Variants in SLC3A2 observed in about 807,000 individuals in gnomAD.
The protein encoded by SLC3A2 is solute carrier family 3 member 2, also known as amino acid transporter heavy chain SLC3A2.
In SLC3A2, 32 loss-of-function variants were observed where a neutral mutation model predicts 48.5. That is an observed-to-expected ratio of 0.66 (90% CI 0.50 to 0.89). SLC3A2 has a LOEUF of 0.89. SLC3A2 is among the 40% of genes least tolerant of loss of function. The probability of loss-of-function intolerance (pLI) is 0.00; values close to 1 mark genes in which losing one functional copy is unlikely to be tolerated. For synonymous variants in SLC3A2, 277 were observed against 288.8 expected, an observed-to-expected ratio of 0.96 and a Z score of 0.41; for missense variants, 587 against 680.7, an observed-to-expected ratio of 0.86 and a Z score of 1.53.
At chr11:62,880,715 T>C, upstream of SLC3A2, 1 of 324,580 alleles carries the variant, frequency 3.1e-6, no homozygotes, top group South Asian at 6.1e-5. Context: ...AAAAGAACTT[T>C]AGGGTTAGAC....
rs1484159714 is a variant in SLC3A2, at chr11:62,881,599, A to G, written c.424+152A>G. 8 of 1,065,898 alleles carry G rather than the reference A, an allele frequency of 7.5e-6. 1 individual carries two copies. In the South Asian group the frequency reaches 1.0e-4, roughly 14 times the overall value. The allele number at this position is 1,065,898 out of a possible 1,614,324, so 66.0% of individuals were successfully genotyped here. ...CCTTCCCCCACCCCCTCCCCGGCACATTGTCCTTCCCTCCTTTCTTTGAAG... is the reference window on the plus strand; with the variant it reads ...CCTTCCCCCACCCCCTCCCCGGCACGTTGTCCTTCCCTCCTTTCTTTGAAG... On this transcript the variant is annotated intron_variant, in intron 1 of 8. Transcript: ENST00000338663. This position sits in a 1 kb window ranked among gnomAD's most constrained non-coding sequence, Gnocchi z 4.0.
chr11:62,877,989 T>A (rs2085586831), upstream of SLC3A2, among the ~76,000 whole-genome samples: 1 of 152,014 alleles, frequency 6.6e-6, no homozygotes, highest in South Asian at 2.1e-4. Flanking sequence ...AAACCCTGTC[T>A]CTCCTAAAAA....
chr11:62,882,022 C>G lies in SLC3A2; in HGVS notation c.554C>G (p.Ser185Cys), dbSNP rs546675254. 7.2e-5 allele frequency: 117 copies of G among 1,614,150 alleles called. 4 individuals are homozygous for G. The South Asian group carries it at 1.3e-3, about 17-fold the overall frequency. ...CTGCAGATCGACCCCAATTTTGGCT[C>G]CAAGGAAGATTTTGACAGTCTCTTG... ...DLLQIDPNFG[S>C]KEDFDSLLQS... The change falls in exon 2 of 9, where the codon TCC (serine) becomes TGC (cysteine). Residue 185 changes from serine (S) to cysteine (C), a missense_variant. Ser to Cys is a moderately radical substitution (Grantham distance 112). Transcript: ENST00000338663.
Position 62,864,770 on chromosome 11 carries a change from A to AT in SLC3A2, c.112+8400dup, listed in dbSNP as rs553131030. 1.5e-3 allele frequency among the ~76,000 whole-genome samples: 166 copies of AT among 113,610 alleles called. 2 individuals carry two copies. In the South Asian group the frequency reaches 0.018, roughly 12 times the overall value. 74.5% of individuals were successfully genotyped at this position (113,610 alleles called of 152,430 possible). Reference sequence around the variant, plus strand: ...TGTGAGCCACCACGCCCGGCCGCTAATTTTTTTTTTTGTTTTGAGACAGAG... The same window carrying AT: ...TGTGAGCCACCACGCCCGGCCGCTAATTTTTTTTTTTTGTTTTGAGACAGAG... On this transcript the variant is annotated intron_variant, in intron 1 of 9. Transcript: ENST00000377889.
intron 1 of SLC3A2, among the ~76,000 whole-genome samples, chr11:62,865,131 G>C (rs1362674403): frequency 1.3e-5 from 2 of 152,144 alleles, no homozygotes; most frequent in Admixed American, 1.3e-4. Flanking sequence ...CCTTTACCCA[G>C]TGTACCGTTA....
chr11:62,860,342 A>C (rs992347883), intron 1 of SLC3A2, among the ~76,000 whole-genome samples: 1 of 152,042 alleles, frequency 6.6e-6, no homozygotes, highest in Non-Finnish European at 1.5e-5. Flanking sequence ...TCTACTAAAA[A>C]TACAAAAAAA....
Position 62,885,231 on chromosome 11 carries a change from C to T in SLC3A2, c.873C>T (p.Leu291=), listed in dbSNP as rs757995334. ...SSDLQQILSL[L]ESNKDLLLTS... is the part of the protein sequence containing the mutation. ...ACCTTCAGCAGATCCTGAGCCTACT[C>T]GAATCCAACAAAGACTTGCTGTTGA... Residue 291 remains leucine (L), a synonymous_variant, in exon 6 of 9, where the codon CTC becomes CTT. Transcript: ENST00000338663. 2.2e-5 allele frequency: 36 copies of T among 1,614,034 alleles called. No homozygotes were observed. The highest frequency in any genetic ancestry group is 1.7e-4 in the Admixed American group (10 of 59,994).
intron 3 of SLC3A2, chr11:62,884,118 C>T (rs1490172947): frequency 4.0e-6 from 2 of 495,858 alleles, no homozygotes; most frequent in Non-Finnish European, 7.8e-6. Flanking sequence ...AATAGGTATG[C>T]TAACATTCCA....
Position 62,881,842 on chromosome 11 carries a change from G to A in SLC3A2, c.425-51G>A. 2 of 1,596,396 alleles carry A rather than the reference G, an allele frequency of 1.3e-6. No homozygotes were observed. The highest frequency in any genetic ancestry group is 1.7e-6 in the Non-Finnish European group (2 of 1,167,818). ...CGCTGGGAGAAGGGAGGGTGGGGAG[G>A]TCAGGGGCCTCTCAGAGGGGCCTCA... On this transcript the variant is annotated intron_variant, in intron 1 of 8. Coordinates refer to ENST00000338663, the MANE Select transcript of SLC3A2 (RefSeq NM_001013251.3). This position sits in a 1 kb window ranked among gnomAD's most constrained non-coding sequence, Gnocchi z 4.0.
chr11:62,876,184 A>C (rs2085569562), upstream of SLC3A2, among the ~76,000 whole-genome samples: 1 of 152,196 alleles, frequency 6.6e-6, no homozygotes, highest in Non-Finnish European at 1.5e-5. Flanking sequence ...TACATGTTTG[A>C]GGAAAAATAA....
chr11:62,856,827 CTTTT>C (rs11337244), intron 1 of SLC3A2, among the ~76,000 whole-genome samples: 11 of 126,034 alleles, frequency 8.7e-5, no homozygotes, highest in South Asian at 7.4e-4. Flanking sequence ...TTTTTTCTTT[CTTTT>C]TTTTTTTTTT....
chr11:62,882,619 G>A (rs942489647), intron 2 of SLC3A2: 3 of 366,296 alleles, frequency 8.2e-6, no homozygotes, highest in Non-Finnish European at 1.6e-5. Flanking sequence ...TGAGTAGCTG[G>A]TACTACAGCC....
At chr11:62,863,428 C>T (rs576033609) in intron 1 of SLC3A2, among the ~76,000 whole-genome samples, 1 of 152,248 alleles carries the variant, frequency 6.6e-6, no homozygotes, top group African/African-American at 2.4e-5. Context: ...CACTATGGTG[C>T]CTAGGCGGGT....
chr11:62,862,055 A>G (rs1307418671), intron 1 of SLC3A2, among the ~76,000 whole-genome samples: 2 of 150,380 alleles, frequency 1.3e-5, no homozygotes, highest in Non-Finnish European at 3.0e-5. Flanking sequence ...GCGGTGGCTT[A>G]CCTGTAATCC....
chr11:62,881,191 C>T lies in SLC3A2; in HGVS notation c.168C>T (p.Ala56=), dbSNP rs1374893358. ...CGGAAGACGAGGCGGAGGCGGCAGC[C>T]GCGGCTAAGTTCACGGGCCTGTCCA... The part of the protein sequence containing the change: ...KVAEDEAEAA[A]AAKFTGLSKE... Residue 56 remains alanine, a synonymous_variant, in exon 1 of 9, where the codon GCC becomes GCT. Transcript: ENST00000338663. The surrounding 1 kb of genome is among the most constrained non-coding windows in gnomAD (Gnocchi z 4.0). 1.3e-5 allele frequency: 20 copies of T among 1,593,412 alleles called. No individual in the cohort carries two copies. Among genetic ancestry groups the T allele is most frequent in the Non-Finnish European group, 1.7e-5 (20 of 1,172,036 alleles).
intron 7 of SLC3A2, among the ~76,000 whole-genome samples, chr11:62,886,025 C>T (rs979319826): frequency 1.3e-5 from 2 of 152,162 alleles, no homozygotes; most frequent in Non-Finnish European, 2.9e-5. Context: ...CACGGTGGCT[C>T]ATGCCTGTAA....
Position 62,885,356 on chromosome 11 carries a change from G to C in SLC3A2, c.998G>C (p.Ser333Thr), listed in dbSNP as rs2085696849. ...NATGNRWCSWSLSQARLLTSF... is the reference protein window; with the variant it reads ...NATGNRWCSWTLSQARLLTSF... ...ACTGGCAATCGCTGGTGCAGCTGGAGTGTGAGTACCATGCTGGTGGGAAAG... is the reference window on the plus strand; with the variant it reads ...ACTGGCAATCGCTGGTGCAGCTGGACTGTGAGTACCATGCTGGTGGGAAAG... The change falls in exon 6 of 9, where the codon AGT becomes ACT. Residue 333 changes from serine (S) to threonine (T), a missense_variant and splice_region_variant. By Grantham distance (58) the Ser-to-Thr change is moderately conservative. Around this residue, in one of 3 missense-constraint regions of SLC3A2, gnomAD observed 409 missense variants for 446.7 expected, o/e 0.92. Coordinates refer to ENST00000338663, the MANE Select transcript of SLC3A2 (RefSeq NM_001013251.3). 1.2e-6 allele frequency: 2 copies of C among 1,614,114 alleles called. No homozygotes were observed. The highest frequency in any genetic ancestry group is 1.3e-5 in the African/African-American group (1 of 74,942).
chr11:62,888,575 A>G lies in SLC3A2; in HGVS notation c.1472A>G (p.Lys491Arg), dbSNP rs1377336424. The G allele has an allele frequency of 1.9e-6, 3 of 1,613,778 alleles. No individual in the cohort carries two copies. The highest frequency in any genetic ancestry group is 2.5e-6 in the Non-Finnish European group (3 of 1,180,034). Reference protein sequence around the residue: ...DLPASASLPAKADLLLSTQPG... With the variant: ...DLPASASLPARADLLLSTQPG... ...CCTGCCAGCGCCAGCCTGCCAGCCA[A>G]GGCTGACCTCCTGCTCAGCACCCAG... The change falls in exon 9 of 9, where the codon AAG (lysine) becomes AGG (arginine). Residue 491 changes from lysine to arginine, a missense_variant. Transcript: ENST00000338663.
intron 1 of SLC3A2, among the ~76,000 whole-genome samples, chr11:62,859,648 A>T (rs1263923919): frequency 6.6e-6 from 1 of 152,114 alleles, no homozygotes; most frequent in Non-Finnish European, 1.5e-5. Context: ...AGCCAAGATC[A>T]CCCCACTGCA....
Sources: gnomAD v4.1 joint callset for allele counts (sites outside exome capture counted in the v4.1 genomes callset) on GRCh38, gnomAD v4.1.1 for gene constraint, gnomAD v4.1.1 regional missense constraint, Gnocchi (gnomAD v3.1) non-coding constraint, MANE v1.5 for transcripts, NCBI Gene and HGNC (gene_info 2026-07-23, HGNC 2026-07-21) for gene names.